GRID1: variants seen among roughly 807,000 people sequenced by gnomAD.
GRID1 encodes the protein glutamate receptor ionotropic, delta-1.
In GRID1, 28 loss-of-function variants were observed where a neutral mutation model predicts 98.0. That is an observed-to-expected ratio of 0.29 (90% CI 0.21 to 0.39). The LOEUF (loss-of-function observed/expected upper bound fraction) is 0.39. GRID1 is among the 10% of genes least tolerant of loss of function. GRID1 has a pLI of 1.00. For missense variants in GRID1, 1,111 were observed against 1,340.5 expected (o/e 0.83, Z 2.67); for synonymous variants, 553 against 538.5 (o/e 1.03, Z -0.37).
At chr10:86,167,299 G>A (rs12258618) in intron 3 of GRID1, among the ~76,000 whole-genome samples, 3 of 152,172 alleles carry the variant, frequency 2.0e-5, no homozygotes, top group Non-Finnish European at 4.4e-5. Context: ...AGGGAGAAGG[G>A]GCCACAGAGG....
rs1842548045 is a variant in GRID1, at chr10:85,599,819, A to ATATATATG, written c.*2453_*2454insCATATATA. 7.5e-6 allele frequency: 1 copy of ATATATATG among 132,614 alleles called. No individual in the cohort carries two copies. Among genetic ancestry groups the ATATATATG allele is most frequent in the South Asian group, 2.4e-4 (1 of 4,128 alleles). 8.2% of individuals were successfully genotyped at this position (132,614 alleles called of 1,614,324 possible). A position where few individuals can be genotyped will look rare whatever the true frequency, so the allele number is the denominator to read the frequency against. ...AAAAAAAAAATATATATATATATAT[A>ATATATATG]TAAACATGGTGAAGAATAACACCAT... On this transcript the variant is annotated 3_prime_UTR_variant, in exon 16 of 16. Transcript: ENST00000327946.
At chr10:86,133,150 C>A (rs972280835) in intron 4 of GRID1, among the ~76,000 whole-genome samples, 5 of 152,232 alleles carry the variant, frequency 3.3e-5, no homozygotes, top group African/African-American at 9.6e-5. Context: ...GTTCTGCCAC[C>A]AGCAATGCTC....
intron 4 of GRID1, among the ~76,000 whole-genome samples, chr10:86,137,486 G>C (rs1219004026): frequency 6.6e-6 from 1 of 152,226 alleles, no homozygotes; most frequent in Non-Finnish European, 1.5e-5. Context: ...GAAGCAAGAA[G>C]GGAGGGGGCC....
chr10:86,031,225 G>A (rs1206546056), intron 4 of GRID1, among the ~76,000 whole-genome samples: 1 of 152,166 alleles, frequency 6.6e-6, no homozygotes, highest in East Asian at 1.9e-4. Context: ...ATACCGTGCA[G>A]CCATACAAAA....
At chr10:86,342,318 CA>C (rs981083835) in intron 2 of GRID1, among the ~76,000 whole-genome samples, 18 of 152,202 alleles carry the variant, frequency 1.2e-4, no homozygotes, top group African/African-American at 3.9e-4. Flanking sequence ...AGTGCTGGGC[CA>C]GCCAGCAGGT....
chr10:86,300,532 AGGGG>A (rs1847669021), intron 2 of GRID1, among the ~76,000 whole-genome samples: 1 of 4,868 alleles, frequency 2.1e-4, no homozygotes, highest in Admixed American at 2.1e-3. Flanking sequence ...AAGGGAGGGG[AGGGG>A]AGGGGAGGGG....
chr10:85,952,523 AG>A (rs2131844361), intron 4 of GRID1, among the ~76,000 whole-genome samples: 1 of 152,320 alleles, frequency 6.6e-6, no homozygotes, highest in East Asian at 1.9e-4. Flanking sequence ...CAATGCCTTC[AG>A]GTTTAAGTGT....
rs1847967856 is a variant in GRID1, at chr10:86,321,332, T to G, written c.235+42609A>C. Among the ~76,000 whole-genome samples the G allele has an allele frequency of 2.6e-5, 4 of 152,062 alleles. No individual in the cohort carries two copies. In the South Asian group the frequency reaches 8.3e-4, roughly 32 times the overall value. ...GTCACCCAGTAAAAATGAATAGAGATCGGGCCAAAATGGTGGCCTGGGGTC... is the reference window on the plus strand; with the variant it reads ...GTCACCCAGTAAAAATGAATAGAGAGCGGGCCAAAATGGTGGCCTGGGGTC... On this transcript the variant is annotated intron_variant, in intron 2 of 15. Coordinates refer to ENST00000327946, the MANE Select transcript of GRID1 (RefSeq NM_017551.3).
intron 2 of GRID1, among the ~76,000 whole-genome samples, chr10:86,357,183 C>G (rs1848544233): frequency 6.6e-6 from 1 of 152,246 alleles, no homozygotes; most frequent in African/African-American, 2.4e-5. Context: ...TCTTCTTTCT[C>G]AACCATGGCC....
At chr10:85,609,825 T>C (rs185735143) in intron 15 of GRID1, among the ~76,000 whole-genome samples, 64 of 152,338 alleles carry the variant, frequency 4.2e-4, no homozygotes, top group Admixed American at 1.4e-3. Context: ...ATTTCATGAA[T>C]ATTTTATTCT....
chr10:85,823,406 T>C (rs1842791097), intron 8 of GRID1, among the ~76,000 whole-genome samples: 1 of 151,854 alleles, frequency 6.6e-6, no homozygotes, highest in Admixed American at 6.6e-5. Flanking sequence ...GAGAAATAAT[T>C]AGAATCTAAT....
At chr10:86,231,252 A>AAGATAGTG (rs1846448005) in intron 2 of GRID1, among the ~76,000 whole-genome samples, 1 of 152,134 alleles carries the variant, frequency 6.6e-6, no homozygotes, top group Non-Finnish European at 1.5e-5. Flanking sequence ...TGGAAATCTG[A>AAGATAGTG]AGATAGTGTC....
intron 4 of GRID1, among the ~76,000 whole-genome samples, chr10:85,976,826 A>G (rs766817360): frequency 2.4e-4 from 37 of 152,362 alleles, no homozygotes; most frequent in Admixed American, 1.5e-3. Flanking sequence ...GCCCCACAGG[A>G]CAGGCTAAGA....
intron 3 of GRID1, among the ~76,000 whole-genome samples, chr10:86,172,625 G>T (rs2131994425): frequency 6.6e-6 from 1 of 152,242 alleles, no homozygotes; most frequent in Admixed American, 6.5e-5. Context: ...AGTATCCAGG[G>T]ATAAAAGCAA....
intron 2 of GRID1, among the ~76,000 whole-genome samples, chr10:86,332,319 T>G (rs1589451962): frequency 6.6e-6 from 1 of 152,110 alleles, no homozygotes; most frequent in African/African-American, 2.4e-5. Flanking sequence ...AGAGGATGCA[T>G]TCCTGAAGGA....
In GRID1 at chr10:86,204,635, G is replaced by C. The variant is rs183590788; in HGVS notation, c.520+1729C>G. 2.6e-5 allele frequency among the ~76,000 whole-genome samples: 4 copies of C among 152,344 alleles called. No individual in the cohort carries two copies. In the East Asian group the frequency reaches 7.7e-4, roughly 29 times the overall value. On this transcript the variant is annotated intron_variant, in intron 3 of 15. Transcript: ENST00000327946. ...CTGCAGGAGTCACAGGAGCCCAGGC[G>C]GGTGGGCAGGCTAGAGAGCTGATCA... is the stretch of plus-strand genomic sequence containing the variant.
At chr10:85,823,767 C>G (rs903728658) in intron 8 of GRID1, among the ~76,000 whole-genome samples, 4 of 151,992 alleles carry the variant, frequency 2.6e-5, no homozygotes, top group Non-Finnish European at 5.9e-5. Flanking sequence ...AATGATAAGA[C>G]TGACAGTCCC....
At chr10:86,213,255 A>G (rs1846131126) in intron 2 of GRID1, among the ~76,000 whole-genome samples, 1 of 152,030 alleles carries the variant, frequency 6.6e-6, no homozygotes, top group Non-Finnish European at 1.5e-5. Context: ...CACTGCCGGC[A>G]AGCAGTGCAG....
intron 2 of GRID1, among the ~76,000 whole-genome samples, chr10:86,324,387 CATGTA>C (rs1564739044): frequency 6.6e-6 from 1 of 152,086 alleles, no homozygotes; most frequent in Non-Finnish European, 1.5e-5. Flanking sequence ...GAAAAACAAA[CATGTA>C]ATGTATTATT....
Sources: allele counts gnomAD v4.1 joint callset (sites outside exome capture counted in the v4.1 genomes callset), GRCh38; gene constraint gnomAD v4.1.1; transcripts MANE v1.5; gene names NCBI Gene and HGNC (gene_info 2026-07-23, HGNC 2026-07-21).